Variants in RABIF observed in about 807,000 individuals in gnomAD.
RABIF encodes the protein RAB interacting factor, also known as guanine nucleotide exchange factor MSS4.
In RABIF, 13 loss-of-function variants were observed where a neutral mutation model predicts 12.3. The ratio of observed to expected loss-of-function variants is 1.06; its 90% CI spans 0.69 to 1.68. The LOEUF (loss-of-function observed/expected upper bound fraction) is 1.68. Among genes scored for constraint, RABIF ranks in the 40% most tolerant of loss-of-function variants. The pLI, the probability that RABIF is intolerant of heterozygous loss-of-function variation, is 0.00. For missense variants in RABIF, 153 were observed against 158.0 expected (o/e 0.97, Z 0.17); for synonymous variants, 70 against 63.3 (o/e 1.11, Z -0.50).
chr1:202,888,283 T>C (rs1007017452), intron 1 of RABIF, among the ~76,000 whole-genome samples: 6 of 152,032 alleles, frequency 3.9e-5, no homozygotes, highest in African/African-American at 1.4e-4. Context: ...GGTATTAAAA[T>C]CCCTAAACTG....
intron 1 of RABIF, among the ~76,000 whole-genome samples, chr1:202,885,744 C>T (rs1012523744): frequency 7.2e-5 from 11 of 152,080 alleles, no homozygotes; most frequent in African/African-American, 2.2e-4. Flanking sequence ...AATTTTCTAC[C>T]TTCTATTTAC....
Position 202,881,297 on chromosome 1 carries a change from C to G in RABIF, c.127-74G>C, listed in dbSNP as rs981336844. Reference sequence around the variant, plus strand: ...TCCATCAACACCCCCGTTCTAGGTACACTTCACATTGCTCCCTAGCAGGAA... The same window carrying G: ...TCCATCAACACCCCCGTTCTAGGTAGACTTCACATTGCTCCCTAGCAGGAA... On this transcript the variant is annotated intron_variant, in intron 1 of 1. Coordinates refer to ENST00000367262, the MANE Select transcript of RABIF (RefSeq NM_002871.5). 8.5e-5 allele frequency: 130 copies of G among 1,526,312 alleles called. 2 individuals carry two copies. In the Middle Eastern group the frequency reaches 2.4e-3, roughly 28 times the overall value. The allele number at this position is 1,526,312 out of a possible 1,614,324, so 94.5% of individuals were successfully genotyped here.
intron 1 of RABIF, among the ~76,000 whole-genome samples, chr1:202,882,650 C>A (rs565927109): frequency 6.7e-6 from 1 of 149,484 alleles, no homozygotes; most frequent in African/African-American, 2.5e-5. Context: ...ACATTCATTT[C>A]CCCTGGAAGT....
intron 1 of RABIF, among the ~76,000 whole-genome samples, chr1:202,886,380 C>A (rs12091234): frequency 6.7e-6 from 1 of 149,208 alleles, no homozygotes; most frequent in Non-Finnish European, 1.5e-5. Context: ...TCCTGCCGGG[C>A]GGAGCGGCTC....
chr1:202,883,520 A>G (rs887460587), intron 1 of RABIF, among the ~76,000 whole-genome samples: 4 of 152,262 alleles, frequency 2.6e-5, no homozygotes, highest in Admixed American at 2.0e-4. Flanking sequence ...TTTCTGGCTT[A>G]TCCCCTATAC....
chr1:202,883,408 A>G (rs1659518952), intron 1 of RABIF, among the ~76,000 whole-genome samples: 1 of 152,216 alleles, frequency 6.6e-6, no homozygotes, highest in African/African-American at 2.4e-5. Flanking sequence ...AAACAGCAAC[A>G]AGTAGAGGCA....
At position 202,888,991 on chromosome 1, in the gene RABIF, A is replaced by C; in HGVS notation, c.108T>G (p.Ala36=). 1 of 1,581,872 alleles carries C rather than the reference A, an allele frequency of 6.3e-7. No homozygotes were observed. Among genetic ancestry groups the C allele is most frequent in the East Asian group, 2.3e-5 (1 of 43,158 alleles). Residue 36 remains alanine (A), a synonymous_variant, in exon 1 of 2, where the codon GCT becomes GCG. Coordinates refer to ENST00000367262, the MANE Select transcript of RABIF (RefSeq NM_002871.5). The part of the protein sequence containing the change: ...CGSRVLQPGT[A]LFSRRQLFLP... Reference sequence around the variant, plus strand: ...TCCCTACCTGTCGGCGAGAGAAGAGAGCGGTCCCTGGCTGCAGCACCCGGG... The same window carrying C: ...TCCCTACCTGTCGGCGAGAGAAGAGCGCGGTCCCTGGCTGCAGCACCCGGG...
chr1:202,887,029 GTT>G (rs760590068), intron 1 of RABIF, among the ~76,000 whole-genome samples: 13 of 26,210 alleles, frequency 5.0e-4, no homozygotes, highest in African/African-American at 7.7e-4. Context: ...GCTATGTTTT[GTT>G]TTTTTTTTTT....
At position 202,878,856 on chromosome 1, in the gene RABIF, A is replaced by G. The variant is rs1173307913; in HGVS notation, c.*2122T>C. ...GTTTGCATTTTATAGCTGACTAGAT[A>G]ATCAGTTGGTTGACCTTAAGCTAAA... On this transcript the variant is annotated 3_prime_UTR_variant, in exon 2 of 2. Coordinates refer to ENST00000367262, the MANE Select transcript of RABIF (RefSeq NM_002871.5). 6.6e-6 allele frequency: 1 copy of G among 152,206 alleles called. No homozygotes were observed. The highest frequency in any genetic ancestry group is 1.5e-5 in the Non-Finnish European group (1 of 68,028). 9.4% of individuals were successfully genotyped at this position (152,206 alleles called of 1,614,324 possible).
chr1:202,887,089 C>T (rs1659575472), intron 1 of RABIF, among the ~76,000 whole-genome samples: 1 of 149,596 alleles, frequency 6.7e-6, no homozygotes, highest in African/African-American at 2.5e-5. Flanking sequence ...ACTATAAACT[C>T]CATTTAGAAG....
intron 1 of RABIF, among the ~76,000 whole-genome samples, chr1:202,885,345 A>C (rs1659545682): frequency 6.6e-6 from 1 of 152,218 alleles, no homozygotes; most frequent in Admixed American, 6.5e-5. Context: ...TAGGACTGGC[A>C]ATCTAGTTCT....
At chr1:202,884,607 TG>T (rs567804043) in intron 1 of RABIF, among the ~76,000 whole-genome samples, 3 of 152,046 alleles carry the variant, frequency 2.0e-5, no homozygotes, top group Non-Finnish European at 2.9e-5. Flanking sequence ...GAGACCAGGC[TG>T]GGGGGGTCCA....
At chr1:202,883,574 C>T (rs1485651010) in intron 1 of RABIF, among the ~76,000 whole-genome samples, 3 of 152,180 alleles carry the variant, frequency 2.0e-5, no homozygotes, top group Admixed American at 2.0e-4. Context: ...ATGGAGTAAA[C>T]TTCAGTGGAC....
chr1:202,885,265 C>T (rs760955227), intron 1 of RABIF, among the ~76,000 whole-genome samples: 1 of 152,140 alleles, frequency 6.6e-6, no homozygotes, highest in African/African-American at 2.4e-5. Context: ...TCGAGAAACA[C>T]ACTACTTTAG....
chr1:202,885,964 C>CA (rs34865622), intron 1 of RABIF, among the ~76,000 whole-genome samples: 3,468 of 132,904 alleles, frequency 0.026, 136 homozygotes, highest in East Asian at 0.2. Flanking sequence ...AAACACAACC[C>CA]AAAAAAAAAA....
rs1659456843 is a variant in RABIF, at chr1:202,879,481, G to C, written c.*1497C>G. On this transcript the variant is annotated 3_prime_UTR_variant, in exon 2 of 2. Transcript: ENST00000367262. ...CATGTGCCCCTAGAGGCATCTACTT[G>C]GGTTTTGCTCCTGACTTGTGTGGAT... 6.6e-6 allele frequency: 1 copy of C among 152,208 alleles called. No homozygotes were observed. Among genetic ancestry groups the C allele is most frequent in the Non-Finnish European group, 1.5e-5 (1 of 68,036 alleles). 9.4% of individuals were successfully genotyped at this position (152,208 alleles called of 1,614,324 possible).
rs375433778 is a variant in RABIF at position 202,881,519 on chromosome 1, A to G, written c.127-296T>C. ...TGGGTTCACGCCATTCTCCTGCCTC[A>G]GCCTCCCGAGTAGCTGGGACTACAG... On this transcript the variant is annotated intron_variant, in intron 1 of 1. Coordinates refer to ENST00000367262, the MANE Select transcript of RABIF (RefSeq NM_002871.5). Among the ~76,000 whole-genome samples, 179 of 151,964 alleles carry G rather than the reference A, an allele frequency of 1.2e-3. 1 individual carries two copies. Among genetic ancestry groups the G allele is most frequent in the African/African-American group, 4.0e-3 (167 of 41,456 alleles).
intron 1 of RABIF, among the ~76,000 whole-genome samples, chr1:202,887,024 G>GTTTTTTTTTT (rs61356068): frequency 3.3e-5 from 3 of 90,692 alleles, no homozygotes; most frequent in African/African-American, 1.2e-4. Flanking sequence ...TGTGGGCTAT[G>GTTTTTTTTTT]TTTTGTTTTT....
intron 1 of RABIF, among the ~76,000 whole-genome samples, chr1:202,883,100 C>T (rs967795527): frequency 3.3e-5 from 5 of 152,126 alleles, no homozygotes; most frequent in African/African-American, 9.7e-5. Flanking sequence ...CCCAGACTAC[C>T]GCAAAATATC....
Sources: gnomAD v4.1 joint callset for allele counts (sites outside exome capture counted in the v4.1 genomes callset) on GRCh38, gnomAD v4.1.1 for gene constraint, MANE v1.5 for transcripts, NCBI Gene and HGNC (gene_info 2026-07-23, HGNC 2026-07-21) for gene names.